TBCD: variants seen among roughly 807,000 people sequenced by gnomAD.
The protein encoded by TBCD is tubulin folding cofactor D.
Under a neutral mutation model 169.3 loss-of-function variants are expected in TBCD, and 105 were observed. That is an observed-to-expected ratio of 0.62 (90% CI 0.53 to 0.73). TBCD has a LOEUF of 0.73. TBCD is among the 30% of genes least tolerant of loss of function. The pLI, the probability that TBCD is intolerant of heterozygous loss-of-function variation, is 0.00. For synonymous variants in TBCD, 700 were observed against 643.9 expected (o/e 1.09, Z -1.32); for missense variants, 1,444 against 1,600.1 (o/e 0.90, Z 1.66).
intron 13 of TBCD, among the ~76,000 whole-genome samples, chr17:82,845,310 CGGCCTGGCCCCTTCCTCTCTGTCCTGTCT>C (rs1482164467): frequency 7.0e-6 from 1 of 143,416 alleles, no homozygotes; most frequent in Non-Finnish European, 1.5e-5. Context: ...CCATCCTGTC[CGGCCTGGCCCCTTCCTCTCTGTCCTGTCT>C]GGCCTGGCCC....
chr17:82,932,344 C>T (rs960784139), intron 33 of TBCD, among the ~76,000 whole-genome samples: 6 of 152,238 alleles, frequency 3.9e-5, no homozygotes, highest in African/African-American at 7.2e-5. Flanking sequence ...GCTGCATTGC[C>T]GTTGCAGCTT....
At chr17:82,935,846 C>A (rs2062576737) in intron 34 of TBCD, among the ~76,000 whole-genome samples, 1 of 152,222 alleles carries the variant, frequency 6.6e-6, no homozygotes, top group South Asian at 2.1e-4. Flanking sequence ...TGGGACCCCC[C>A]CCATCGGGGT....
intron 6 of TBCD, among the ~76,000 whole-genome samples, chr17:82,780,565 C>A (rs1258448636): frequency 6.7e-6 from 1 of 149,886 alleles, no homozygotes; most frequent in Non-Finnish European, 1.5e-5. Context: ...GCAGAGGTTG[C>A]AGTGAGTCAA....
chr17:82,929,890 C>G (rs1190141324), intron 32 of TBCD: 13 of 381,950 alleles, frequency 3.4e-5, no homozygotes, highest in Non-Finnish European at 1.5e-5. Context: ...CTTCTCATGT[C>G]TGTGGGGAGG....
intron 13 of TBCD, among the ~76,000 whole-genome samples, chr17:82,823,330 A>G (rs2052566426): frequency 6.6e-6 from 1 of 152,204 alleles, no homozygotes. Flanking sequence ...ACGTCCTGAC[A>G]TGGCCCCAGT....
At chr17:82,840,778 T>G (rs990918761) in intron 13 of TBCD, among the ~76,000 whole-genome samples, 9 of 152,060 alleles carry the variant, frequency 5.9e-5, no homozygotes, top group African/African-American at 2.2e-4. Flanking sequence ...AACTGCTTGC[T>G]TGCTTAATCG....
At chr17:82,870,704 C>T (rs1200006167) in intron 14 of TBCD, among the ~76,000 whole-genome samples, 3 of 152,372 alleles carry the variant, frequency 2.0e-5, no homozygotes, top group Admixed American at 6.5e-5. Context: ...GCAGCAGATT[C>T]TTGGGCGCAG....
chr17:82,776,688 C>T (rs547659931), intron 6 of TBCD, among the ~76,000 whole-genome samples: 2 of 152,302 alleles, frequency 1.3e-5, no homozygotes, highest in African/African-American at 4.8e-5. Context: ...GGTTTGGTTA[C>T]AGACCCGTTC....
chr17:82,891,050 G>T (rs943840349), intron 16 of TBCD, among the ~76,000 whole-genome samples: 2 of 152,238 alleles, frequency 1.3e-5, no homozygotes, highest in Non-Finnish European at 2.9e-5. Context: ...TGAGGCCAGA[G>T]CCCGGGGTGA....
intron 13 of TBCD, among the ~76,000 whole-genome samples, chr17:82,853,070 CTTTTT>C (rs946233470): frequency 7.3e-5 from 11 of 151,538 alleles, no homozygotes; most frequent in African/African-American, 2.7e-4. Flanking sequence ...TTCTCTCTCT[CTTTTT>C]TTTTAAATTA....
At chr17:82,896,192 ACT>A (rs370275490) in intron 17 of TBCD, among the ~76,000 whole-genome samples, 3 of 151,684 alleles carry the variant, frequency 2.0e-5, no homozygotes, top group African/African-American at 7.3e-5. Context: ...GGCAGTGGGC[ACT>A]CTCCTCACTC....
intron 7 of TBCD, among the ~76,000 whole-genome samples, chr17:82,790,526 T>C (rs1022503420): frequency 6.6e-6 from 1 of 152,050 alleles, no homozygotes; most frequent in African/African-American, 2.4e-5. Context: ...CTCGCCGGCC[T>C]CCATGGGCTC....
rs1029337182 is a variant in TBCD, at chr17:82,884,129, T to C, written c.1476-16T>C. 3.1e-6 allele frequency: 5 copies of C among 1,599,434 alleles called. No homozygotes were observed. Among genetic ancestry groups the C allele is most frequent in the South Asian group, 1.1e-5 (1 of 88,642 alleles). The stretch of plus-strand genomic sequence containing the variant: ...TGCAGAATTTCTTTTTAATTAATCC[T>C]TTCTCTTTTTCACAGTGCACTGGTG... On this transcript the variant is annotated splice_polypyrimidine_tract_variant and intron_variant, in intron 14 of 38. Transcript: ENST00000355528. The surrounding 1 kb of genome is among the most constrained non-coding windows in gnomAD (Gnocchi z 4.2).
chr17:82,927,925 C>G lies in TBCD; in HGVS notation c.2630C>G (p.Thr877Ser), dbSNP rs745667667. The change falls in exon 30 of 39, where the codon ACC becomes AGC. Residue 877 changes from threonine to serine, a missense_variant. Transcript: ENST00000355528. ...ATCAGGGTCCGCAAGGCCGCCATGACCAGTCTGATGGATCTGACACTTCTG... is the reference window on the plus strand; with the variant it reads ...ATCAGGGTCCGCAAGGCCGCCATGAGCAGTCTGATGGATCTGACACTTCTG... ...VGTWVRKAAMTSLMDLTLLLA... is the reference protein window; with the variant it reads ...VGTWVRKAAMSSLMDLTLLLA... 5 of 1,613,486 alleles carry G rather than the reference C, an allele frequency of 3.1e-6. No homozygotes were observed. The African/African-American group carries it at 5.3e-5, about 17-fold the overall frequency.
At chr17:82,843,791 G>A (rs931788148) in intron 13 of TBCD, among the ~76,000 whole-genome samples, 7 of 152,140 alleles carry the variant, frequency 4.6e-5, no homozygotes, top group Admixed American at 2.6e-4. Flanking sequence ...ATCATTTAAC[G>A]AGTTTTGACA....
At chr17:82,752,408 T>C in intron 1 of TBCD, 31 bp downstream of exon 1, 1 of 1,204,914 alleles carries the variant, frequency 8.3e-7, no homozygotes. Flanking sequence ...GCCCGCTTCC[T>C]CCCCCGGCCC....
intron 34 of TBCD, 117 bp from the exon 35 acceptor site, chr17:82,937,154 A>C: frequency 1.2e-6 from 1 of 856,842 alleles, no homozygotes; most frequent in South Asian, 1.6e-5. Flanking sequence ...TCAGGGCTGC[A>C]GGCTTCTTGG....
At chr17:82,908,081 G>T (rs532561128) in intron 21 of TBCD, among the ~76,000 whole-genome samples, 1 of 152,222 alleles carries the variant, frequency 6.6e-6, no homozygotes, top group Non-Finnish European at 1.5e-5. Flanking sequence ...TTCTGTGCAC[G>T]TAGCCAGCAT....
At chr17:82,765,707 C>T (rs1390008058) in intron 3 of TBCD, among the ~76,000 whole-genome samples, 1 of 152,120 alleles carries the variant, frequency 6.6e-6, no homozygotes, top group African/African-American at 2.4e-5. Context: ...TGGGCCCTTG[C>T]GGTTTGTAGG....
Sources: gnomAD v4.1 joint callset for allele counts (sites outside exome capture counted in the v4.1 genomes callset) on GRCh38, gnomAD v4.1.1 for gene constraint, Gnocchi (gnomAD v3.1) non-coding constraint, MANE v1.5 for transcripts, NCBI Gene and HGNC (gene_info 2026-07-23, HGNC 2026-07-21) for gene names.